The following ITPR2 variants were observed in gnomAD, a reference collection of about 807,000 sequenced individuals.
ITPR2 encodes the protein inositol 1,4,5-trisphosphate receptor type 2, also known as inositol 1,4,5-trisphosphate-gated calcium channel ITPR2.
ITPR2 carries 207 observed loss-of-function variants against 317.1 expected under a neutral mutation model. The observed-to-expected ratio is 0.65, with a 90% CI of 0.58 to 0.73. The LOEUF is 0.73. Among genes scored for constraint, ITPR2 ranks in the 30% least tolerant of loss-of-function variants. The pLI is 0.00. For synonymous variants in ITPR2, 1,156 were observed against 1,149.1 expected (o/e 1.01, Z -0.12); for missense variants, 2,613 against 3,284.0 (o/e 0.80, Z 4.99).
At chr12:26,347,809 G>C (rs1459910695) in intron 55 of ITPR2, among the ~76,000 whole-genome samples, 1 of 152,220 alleles carries the variant, frequency 6.6e-6, no homozygotes, top group Non-Finnish European at 1.5e-5. Context: ...TATCACGGAT[G>C]CAAGTGCAGG....
chr12:26,510,006 T>TGTGTGTGTGG (rs1206324971), intron 37 of ITPR2, among the ~76,000 whole-genome samples: 1 of 32,310 alleles, frequency 3.1e-5, no homozygotes, highest in Non-Finnish European at 5.7e-5. Flanking sequence ...GTGTGTGTGG[T>TGTGTGTGTGG]GGGGGGTGGG....
intron 55 of ITPR2, among the ~76,000 whole-genome samples, chr12:26,341,619 C>T (rs1040082341): frequency 2.0e-5 from 3 of 152,220 alleles, no homozygotes; most frequent in African/African-American, 7.2e-5. Flanking sequence ...TTTTAAACTG[C>T]ATTTAAACAG....
chr12:26,478,104 T>C (rs1388134856), intron 43 of ITPR2, among the ~76,000 whole-genome samples: 2 of 152,126 alleles, frequency 1.3e-5, no homozygotes, highest in Non-Finnish European at 2.9e-5. Context: ...TTTGTTAAGG[T>C]TGTGCAAATT....
intron 2 of ITPR2, among the ~76,000 whole-genome samples, chr12:26,733,295 C>T (rs1207929363): frequency 8.0e-6 from 1 of 124,678 alleles, no homozygotes; most frequent in Non-Finnish European, 1.6e-5. Flanking sequence ...GCCTAGGTGA[C>T]AGAGCAAGAC....
At chr12:26,768,413 ATAAAAAAAAAT>A (rs1434424765) in intron 2 of ITPR2, among the ~76,000 whole-genome samples, 2 of 84,476 alleles carry the variant, frequency 2.4e-5, no homozygotes, top group Admixed American at 2.9e-4. Flanking sequence ...TTAAAGTATA[ATAAAAAAAAAT>A]TAAAAAAAAA....
intron 26 of ITPR2, among the ~76,000 whole-genome samples, chr12:26,619,691 T>C (rs1401426424): frequency 6.6e-6 from 1 of 152,174 alleles, no homozygotes; most frequent in African/African-American, 2.4e-5. Context: ...AGCTGATCCA[T>C]GATGACAACA....
rs200679803 is a variant in ITPR2 at position 26,446,732 on chromosome 12, C to A, written c.6343-3082G>T. Among the ~76,000 whole-genome samples, 1,111 of 122,452 alleles carry A rather than the reference C, an allele frequency of 9.1e-3. 1 individual carries two copies. The highest frequency in any genetic ancestry group is 0.011 in the Non-Finnish European group (652 of 60,190). The allele number at this position is 122,452 out of a possible 152,430, so 80.3% of individuals were successfully genotyped here. On this transcript the variant is annotated intron_variant, in intron 45 of 56. Coordinates refer to ENST00000381340, the MANE Select transcript of ITPR2 (RefSeq NM_002223.4). ...GAGAAGAGGCATTCTAAAAGGGACT[C>A]AAAAAAAAAAAAAAAAACACCCACC...
intron 45 of ITPR2, among the ~76,000 whole-genome samples, chr12:26,450,931 T>C (rs1465281476): frequency 1.3e-5 from 2 of 152,074 alleles, no homozygotes; most frequent in Non-Finnish European, 1.5e-5. Flanking sequence ...CACCAAATAG[T>C]ACAGTGGAAT....
At chr12:26,431,836 C>T (rs768007890) in intron 48 of ITPR2, among the ~76,000 whole-genome samples, 6 of 152,194 alleles carry the variant, frequency 3.9e-5, no homozygotes, top group Admixed American at 6.5e-5. Context: ...GAAGCATACA[C>T]GGCTCATTCC....
At chr12:26,708,855 G>A (rs1473901931) in intron 9 of ITPR2, among the ~76,000 whole-genome samples, 1 of 152,152 alleles carries the variant, frequency 6.6e-6, no homozygotes, top group Non-Finnish European at 1.5e-5. Context: ...CCTGCATCAA[G>A]ACATCACACG....
chr12:26,656,230 CT>C, intron 19 of ITPR2, 66 bp downstream of exon 19: 2 of 1,573,368 alleles, frequency 1.3e-6, no homozygotes, highest in Non-Finnish European at 1.7e-6. Flanking sequence ...CATTTCAAAA[CT>C]GTAGACATTT....
intron 22 of ITPR2, among the ~76,000 whole-genome samples, chr12:26,630,446 G>GAA (rs201985913): frequency 2.8e-5 from 4 of 141,662 alleles, no homozygotes; most frequent in Non-Finnish European, 3.1e-5. Flanking sequence ...TGATGGGGGG[G>GAA]AAAAAAAAAA....
At chr12:26,737,102 G>GA (rs1212657764) in intron 2 of ITPR2, among the ~76,000 whole-genome samples, 1 of 152,016 alleles carries the variant, frequency 6.6e-6, no homozygotes, top group East Asian at 1.9e-4. Context: ...CCAGCAATTG[G>GA]AAAAAATCCA....
At chr12:26,619,820 C>G (rs185639731) in intron 26 of ITPR2, among the ~76,000 whole-genome samples, 7 of 152,258 alleles carry the variant, frequency 4.6e-5, no homozygotes, top group Admixed American at 4.6e-4. Context: ...TATTAACTGA[C>G]ACACTTACCA....
chr12:26,349,382 G>A (rs1012112080), intron 55 of ITPR2, among the ~76,000 whole-genome samples: 2 of 152,170 alleles, frequency 1.3e-5, no homozygotes, highest in Non-Finnish European at 2.9e-5. Context: ...CTTGTGAACT[G>A]TTAGATTCCT....
chr12:26,809,951 T>C (rs1301207608), intron 1 of ITPR2, among the ~76,000 whole-genome samples: 1 of 152,210 alleles, frequency 6.6e-6, no homozygotes, highest in South Asian at 2.1e-4. Flanking sequence ...GAAAAATACA[T>C]CCATTAGAAG....
At chr12:26,362,724 T>C (rs999300751) in intron 55 of ITPR2, among the ~76,000 whole-genome samples, 2 of 152,190 alleles carry the variant, frequency 1.3e-5, no homozygotes, top group Non-Finnish European at 2.9e-5. Context: ...CTTGCAATAA[T>C]AACATTAGAG....
At chr12:26,344,058 G>A (rs542094383) in intron 55 of ITPR2, among the ~76,000 whole-genome samples, 13 of 152,232 alleles carry the variant, frequency 8.5e-5, no homozygotes, top group Admixed American at 3.9e-4. Flanking sequence ...GGGCAAGTTT[G>A]GTCCTTTCTT....
intron 45 of ITPR2, among the ~76,000 whole-genome samples, chr12:26,449,073 AAAAAT>A (rs1481640775): frequency 2.6e-5 from 4 of 152,146 alleles, no homozygotes; most frequent in African/African-American, 9.7e-5. Flanking sequence ...ATGGAGAAAA[AAAAAT>A]CAAGAAACTA....
Sources: allele counts gnomAD v4.1 joint callset (sites outside exome capture counted in the v4.1 genomes callset), GRCh38; gene constraint gnomAD v4.1.1; transcripts MANE v1.5; gene names NCBI Gene and HGNC (gene_info 2026-07-23, HGNC 2026-07-21).